Variants in VPS41 observed in about 807,000 individuals in gnomAD.
VPS41 encodes the protein VPS41 subunit of HOPS complex.
Under a neutral mutation model 130.9 loss-of-function variants are expected in VPS41, and 85 were observed. The observed-to-expected ratio is 0.65, with a 90% CI of 0.55 to 0.78. VPS41 has a LOEUF of 0.78. Among genes scored for constraint, VPS41 ranks in the 30% least tolerant of loss-of-function variants. The pLI is 0.00. For missense variants in VPS41, 874 were observed against 1,018.7 expected (o/e 0.86, Z 1.93); for synonymous variants, 335 against 332.9 (o/e 1.01, Z -0.07).
intron 4 of VPS41, among the ~76,000 whole-genome samples, chr7:38,849,515 AG>A (rs1447729457): frequency 1.3e-5 from 2 of 152,176 alleles, no homozygotes; most frequent in Non-Finnish European, 2.9e-5. Flanking sequence ...GAAAGGAGAC[AG>A]TTTTCTCCTG....
At chr7:38,758,755 A>T (rs1222814151) in intron 17 of VPS41, among the ~76,000 whole-genome samples, 1 of 152,062 alleles carries the variant, frequency 6.6e-6, no homozygotes, top group East Asian at 1.9e-4. Context: ...CTGCCCCACA[A>T]CCTCCAAGGA....
chr7:38,779,850 T>C (rs1278968870), intron 10 of VPS41, among the ~76,000 whole-genome samples: 2 of 152,200 alleles, frequency 1.3e-5, no homozygotes, highest in African/African-American at 4.8e-5. Flanking sequence ...TAAAAGCTTA[T>C]GGACTGACTT....
intron 4 of VPS41, among the ~76,000 whole-genome samples, chr7:38,849,710 C>T (rs531243823): frequency 1.6e-4 from 24 of 152,268 alleles, no homozygotes; most frequent in African/African-American, 3.6e-4. Flanking sequence ...CTCCTCTGGA[C>T]GTCCAGCTGC....
At chr7:38,757,986 A>G (rs887393598) in intron 18 of VPS41, among the ~76,000 whole-genome samples, 11 of 152,284 alleles carry the variant, frequency 7.2e-5, no homozygotes, top group African/African-American at 2.6e-4. Context: ...AGGAATTGAC[A>G]TTTGAGAGAT....
chr7:38,901,883 T>C (rs1787153332), intron 1 of VPS41, among the ~76,000 whole-genome samples: 1 of 152,066 alleles, frequency 6.6e-6, no homozygotes, highest in African/African-American at 2.4e-5. Flanking sequence ...AAAAAATGTT[T>C]TCAACTTTTT....
chr7:38,873,151 C>T (rs1178168299), intron 2 of VPS41, among the ~76,000 whole-genome samples: 1 of 152,184 alleles, frequency 6.6e-6, no homozygotes, highest in African/African-American at 2.4e-5. Context: ...CTCAGTGAAG[C>T]ATCCTTACGG....
At chr7:38,789,958 C>A (rs1048839616) in intron 9 of VPS41, 91 bp from the exon 10 acceptor site, 46 of 1,288,462 alleles carry the variant, frequency 3.6e-5, no homozygotes, top group Non-Finnish European at 4.9e-5. Flanking sequence ...GTTAAATTAA[C>A]CTTGTAGCAC....
intron 2 of VPS41, among the ~76,000 whole-genome samples, chr7:38,889,713 A>C (rs1786819798): frequency 6.6e-6 from 1 of 152,182 alleles, no homozygotes; most frequent in Non-Finnish European, 1.5e-5. Context: ...GAACAGTAGA[A>C]GATAGAAGAT....
intron 2 of VPS41, among the ~76,000 whole-genome samples, chr7:38,889,559 CAAA>C (rs200201294): frequency 9.2e-5 from 11 of 120,146 alleles, no homozygotes; most frequent in Admixed American, 2.4e-4. Context: ...CAAAACAAAA[CAAA>C]AAAAAAAAAA....
chr7:38,856,814 C>T (rs1785996335), intron 4 of VPS41, among the ~76,000 whole-genome samples: 1 of 152,042 alleles, frequency 6.6e-6, no homozygotes, highest in South Asian at 2.1e-4. Flanking sequence ...TGGAGATTCA[C>T]AGAAGTGTAT....
In VPS41 at chr7:38,754,944, A is replaced by G; in HGVS notation, c.1696-8T>C. On this transcript the variant is annotated splice_polypyrimidine_tract_variant and splice_region_variant and intron_variant, in intron 19 of 28. Coordinates refer to ENST00000310301, the MANE Select transcript of VPS41 (RefSeq NM_014396.4). ...AAGCATGTCAACAGCTTTCTGAAAC[A>G]TATAAGAAAAGCCACAGTCAATGAA... is the stretch of plus-strand genomic sequence containing the variant. 2 of 1,613,252 alleles carry G rather than the reference A, an allele frequency of 1.2e-6. No homozygotes were observed. Among genetic ancestry groups the G allele is most frequent in the African/African-American group, 1.3e-5 (1 of 75,030 alleles).
At chr7:38,833,012 C>T (rs1222487703) in intron 4 of VPS41, among the ~76,000 whole-genome samples, 1 of 152,172 alleles carries the variant, frequency 6.6e-6, no homozygotes, top group Middle Eastern at 3.2e-3. Flanking sequence ...CTGATGGTTT[C>T]CCCACCTCAG....
intron 5 of VPS41, among the ~76,000 whole-genome samples, chr7:38,826,062 T>C (rs1785268471): frequency 6.6e-6 from 1 of 152,214 alleles, no homozygotes; most frequent in South Asian, 2.1e-4. Context: ...CTAAAGGGAC[T>C]CTGGCAGTCA....
intron 1 of VPS41, among the ~76,000 whole-genome samples, chr7:38,899,625 C>CCA (rs969872290): frequency 1.3e-5 from 2 of 152,100 alleles, no homozygotes; most frequent in Non-Finnish European, 2.9e-5. Flanking sequence ...CATTCACCAC[C>CCA]CACAACATTA....
At chr7:38,880,638 G>A (rs1369409941) in intron 2 of VPS41, among the ~76,000 whole-genome samples, 1 of 152,094 alleles carries the variant, frequency 6.6e-6, no homozygotes, top group African/African-American at 2.4e-5. Context: ...GGTCTTTGGG[G>A]AAAACAGTCA....
chr7:38,753,819 A>G (rs1006492607), intron 21 of VPS41, among the ~76,000 whole-genome samples: 26 of 152,100 alleles, frequency 1.7e-4, no homozygotes, highest in African/African-American at 5.8e-4. Context: ...AGCAAAAGAG[A>G]AAAAAAGGTG....
chr7:38,852,599 T>C (rs988205195), intron 4 of VPS41, among the ~76,000 whole-genome samples: 6 of 152,014 alleles, frequency 3.9e-5, no homozygotes, highest in African/African-American at 1.4e-4. Flanking sequence ...TCCTATTAAA[T>C]GAAAAACATT....
chr7:38,894,048 C>A (rs1190106695), intron 2 of VPS41, among the ~76,000 whole-genome samples: 2 of 152,086 alleles, frequency 1.3e-5, no homozygotes, highest in African/African-American at 4.8e-5. Flanking sequence ...GAAAACACTA[C>A]ACATTATTCT....
In VPS41 at chr7:38,726,145, A is replaced by G; in HGVS notation, c.*101T>C. On this transcript the variant is annotated 3_prime_UTR_variant, in exon 29 of 29. Coordinates refer to ENST00000310301, the MANE Select transcript of VPS41 (RefSeq NM_014396.4). ...TTGTTTTTGAGTATAATATAAACATAAACAAATCTCTTAACAGCACGAGTG... is the reference window on the plus strand; with the variant it reads ...TTGTTTTTGAGTATAATATAAACATGAACAAATCTCTTAACAGCACGAGTG... 1 of 776,292 alleles carries G rather than the reference A, an allele frequency of 1.3e-6. No individual in the cohort carries two copies. The highest frequency in any genetic ancestry group is 1.7e-5 in the African/African-American group (1 of 57,642). 48.1% of individuals were successfully genotyped at this position (776,292 alleles called of 1,614,324 possible).
Sources: gnomAD v4.1 joint callset for allele counts (sites outside exome capture counted in the v4.1 genomes callset) on GRCh38, gnomAD v4.1.1 for gene constraint, MANE v1.5 for transcripts, NCBI Gene and HGNC (gene_info 2026-07-23, HGNC 2026-07-21) for gene names.